The following CCNYL1 variants were observed in gnomAD, a reference collection of about 807,000 sequenced individuals.
CCNYL1 encodes cyclin-Y-like protein 1.
CCNYL1 carries 16 observed loss-of-function variants against 44.2 expected under a neutral mutation model. That is an observed-to-expected ratio of 0.36 (90% confidence interval 0.25 to 0.55). The LOEUF (loss-of-function observed/expected upper bound fraction) is 0.55, where lower values mean the gene tolerates loss of function less well. Ranked by LOEUF, CCNYL1 falls within the 20% of genes least tolerant of loss-of-function variation. CCNYL1 has a pLI of 0.85. For missense variants in CCNYL1, 348 were observed against 451.8 expected, an observed-to-expected ratio of 0.77 and a Z score of 2.08; for synonymous variants, 159 against 163.2, an observed-to-expected ratio of 0.97 and a Z score of 0.20.
intron 3 of CCNYL1, among the ~76,000 whole-genome samples, chr2:207,728,775 A>C (rs1379887300): frequency 6.6e-6 from 1 of 152,050 alleles, no homozygotes; most frequent in Non-Finnish European, 1.5e-5. Context: ...GAAATTGCTT[A>C]ATATGGCTTG....
At chr2:207,722,155 C>G (rs569610724) in intron 1 of CCNYL1, among the ~76,000 whole-genome samples, 2 of 151,100 alleles carry the variant, frequency 1.3e-5, no homozygotes, top group Non-Finnish European at 2.9e-5. Context: ...TCACTGCAAC[C>G]TCTGCCTCCT....
At position 207,755,816 on chromosome 2, in the gene CCNYL1, G is replaced by C. The variant is rs1408348790; in HGVS notation, c.*2118G>C. 3 of 152,136 alleles carry C rather than the reference G, an allele frequency of 2.0e-5. No homozygotes were observed. Among genetic ancestry groups the C allele is most frequent in the Non-Finnish European group, 2.9e-5 (2 of 68,014 alleles). 9.4% of individuals were successfully genotyped at this position (152,136 alleles called of 1,614,324 possible). On this transcript the variant is annotated 3_prime_UTR_variant, in exon 10 of 10. Transcript: ENST00000295414. ...ACCTAAATTTGAAATACTAAGAAGA[G>C]GTTAGTGTTCTCAACTATGTGAAAT...
chr2:207,712,148 G>A, intron 1 of CCNYL1, 32 bp downstream of exon 1: 1 of 1,571,194 alleles, frequency 6.4e-7, no homozygotes, highest in Non-Finnish European at 8.7e-7. Flanking sequence ...TCCGCCCTCG[G>A]GCTCACCTCT....
intron 3 of CCNYL1, among the ~76,000 whole-genome samples, chr2:207,727,434 C>G (rs1476990594): frequency 6.6e-6 from 1 of 152,132 alleles, no homozygotes; most frequent in Non-Finnish European, 1.5e-5. Context: ...TTTCTGAAAT[C>G]TGGGCGTGTC....
At chr2:207,712,237 G>A in intron 1 of CCNYL1, 121 bp downstream of exon 1, 2 of 772,322 alleles carry the variant, frequency 2.6e-6, no homozygotes, top group Non-Finnish European at 4.0e-6. Context: ...GCCCCGGGAC[G>A]AAGGCTGGTT....
At chr2:207,716,926 G>A (rs556251686) in intron 1 of CCNYL1, among the ~76,000 whole-genome samples, 57 of 152,148 alleles carry the variant, frequency 3.7e-4, no homozygotes, top group African/African-American at 1.3e-3. Context: ...TGGCTAACAC[G>A]GTGAAACCCC....
intron 1 of CCNYL1, among the ~76,000 whole-genome samples, chr2:207,712,902 G>A (rs543609577): frequency 2.4e-3 from 361 of 152,260 alleles, no homozygotes; most frequent in African/African-American, 8.2e-3. Context: ...TGCAACCTCC[G>A]CCTCTCGGTT....
intron 2 of CCNYL1, 102 bp from the exon 3 acceptor site, chr2:207,726,740 A>G: frequency 1.4e-6 from 1 of 718,694 alleles, no homozygotes; most frequent in Non-Finnish European, 2.3e-6. Flanking sequence ...TTTTAAATGG[A>G]ATTTTATCTC....
In CCNYL1 at chr2:207,739,326, G is replaced by A. The variant is rs563800871; in HGVS notation, c.468-1329G>A. On this transcript the variant is annotated intron_variant, in intron 5 of 9. Transcript: ENST00000295414. Reference sequence around the variant, plus strand: ...TCGCTCACTGTAACCTCTGCCTTCCGGGTTCAAGTGATTCTCCTGCCTCAG... The same window carrying A: ...TCGCTCACTGTAACCTCTGCCTTCCAGGTTCAAGTGATTCTCCTGCCTCAG... Among the ~76,000 whole-genome samples the A allele has an allele frequency of 5.9e-5, 9 of 152,266 alleles. No homozygotes were observed. The South Asian group carries it at 1.0e-3, about 18-fold the overall frequency.
In CCNYL1 at chr2:207,737,511, A is replaced by G. The variant is rs942667702; in HGVS notation, c.467+65A>G. On this transcript the variant is annotated intron_variant, in intron 5 of 9. Coordinates refer to ENST00000295414, the MANE Select transcript of CCNYL1 (RefSeq NM_001330218.2). ...TACTTTGCATGATATCAAGTTCAGTATTAGGTCATAACTATAGACATCATA... is the reference window on the plus strand; with the variant it reads ...TACTTTGCATGATATCAAGTTCAGTGTTAGGTCATAACTATAGACATCATA... 8 of 1,284,516 alleles carry G rather than the reference A, an allele frequency of 6.2e-6. No homozygotes were observed. In the African/African-American group the frequency reaches 8.8e-5, roughly 14 times the overall value. The allele number at this position is 1,284,516 out of a possible 1,614,324, so 79.6% of individuals were successfully genotyped here.
At chr2:207,750,628 T>C (rs552223501) in intron 8 of CCNYL1, 4 of 194,354 alleles carry the variant, frequency 2.1e-5, no homozygotes, top group Non-Finnish European at 3.1e-5. Context: ...TTTCATCTGA[T>C]CACTATAGTG....
At chr2:207,713,017 T>C (rs1019975589) in intron 1 of CCNYL1, among the ~76,000 whole-genome samples, 1 of 151,938 alleles carries the variant, frequency 6.6e-6, no homozygotes, top group African/African-American at 2.4e-5. Flanking sequence ...GGTTTCACCA[T>C]GTTGGTCAGG....
At chr2:207,735,585 G>T (rs1304325542) in intron 4 of CCNYL1, among the ~76,000 whole-genome samples, 1 of 152,156 alleles carries the variant, frequency 6.6e-6, no homozygotes, top group Non-Finnish European at 1.5e-5. Flanking sequence ...CAACCCTCAG[G>T]CTGGGCGTGG....
intron 6 of CCNYL1, among the ~76,000 whole-genome samples, chr2:207,741,007 G>A (rs1181883273): frequency 6.6e-6 from 1 of 152,138 alleles, no homozygotes; most frequent in Admixed American, 6.5e-5. Flanking sequence ...TGTAATCTCA[G>A]CACTTTGGGA....
At chr2:207,719,466 A>G (rs2105818929) in intron 1 of CCNYL1, among the ~76,000 whole-genome samples, 1 of 151,972 alleles carries the variant, frequency 6.6e-6, no homozygotes, top group East Asian at 1.9e-4. Context: ...ACGCCCAGCT[A>G]ATTTTTATAT....
intron 9 of CCNYL1, 88 bp from the exon 10 acceptor site, chr2:207,753,500 A>T (rs2091909928): frequency 1.2e-6 from 1 of 843,376 alleles, no homozygotes; most frequent in Non-Finnish European, 2.0e-6. Flanking sequence ...AAAGGAGTCC[A>T]CATGTGTGGC....
chr2:207,735,873 A>AG (rs922322829), intron 4 of CCNYL1, among the ~76,000 whole-genome samples: 3 of 152,176 alleles, frequency 2.0e-5, no homozygotes, highest in Non-Finnish European at 2.9e-5. Context: ...CAAAAAAAAA[A>AG]CAAAACAAAA....
intron 3 of CCNYL1, among the ~76,000 whole-genome samples, chr2:207,729,249 C>T (rs374421238): frequency 2.1e-5 from 2 of 94,170 alleles, no homozygotes; most frequent in African/African-American, 1.3e-4. Context: ...TACTTGTCTC[C>T]GCCCCCCCCC....
In CCNYL1 at chr2:207,720,679, T is replaced by C. The variant is rs1268371028; in HGVS notation, c.221-4121T>C. ...ATCCTTCTGCCTCAGCCTCCCAGAG[T>C]GCTGGGATTACAGGTGTGAGTCACT... On this transcript the variant is annotated intron_variant, in intron 1 of 9. Coordinates refer to ENST00000295414, the MANE Select transcript of CCNYL1 (RefSeq NM_001330218.2). Among the ~76,000 whole-genome samples, 3 of 152,058 alleles carry C rather than the reference T, an allele frequency of 2.0e-5. No homozygotes were observed. In the East Asian group the frequency reaches 5.8e-4, roughly 29 times the overall value.
Sources: gnomAD v4.1 joint callset for allele counts (sites outside exome capture counted in the v4.1 genomes callset) on GRCh38, gnomAD v4.1.1 for gene constraint, MANE v1.5 for transcripts, NCBI Gene and HGNC (gene_info 2026-07-23, HGNC 2026-07-21) for gene names.